The following SYNRG variants were observed in gnomAD, a reference collection of about 807,000 sequenced individuals.
SYNRG encodes the protein AP1 gamma subunit binding protein 1.
SYNRG carries 37 observed loss-of-function variants against 130.9 expected under a neutral mutation model. That is an observed-to-expected ratio of 0.28 (90% CI 0.22 to 0.37). SYNRG has a LOEUF of 0.37. SYNRG is among the 10% of genes least tolerant of loss of function. The probability of loss-of-function intolerance (pLI) is 1.00; values close to 1 mark genes in which losing one functional copy is unlikely to be tolerated. For missense variants in SYNRG, 1,338 were observed against 1,588.9 expected (o/e 0.84, Z 2.68); for synonymous variants, 539 against 568.1 (o/e 0.95, Z 0.73).
At chr17:37,554,837 G>A (rs2058985872) in intron 13 of SYNRG, among the ~76,000 whole-genome samples, 1 of 151,926 alleles carries the variant, frequency 6.6e-6, no homozygotes, top group Non-Finnish European at 1.5e-5. Context: ...AAATTCAAAA[G>A]GATTTGAATA....
At chr17:37,598,190 G>A (rs1168204288) in intron 2 of SYNRG, among the ~76,000 whole-genome samples, 1 of 152,188 alleles carries the variant, frequency 6.6e-6, no homozygotes. Context: ...ATGTCAGGTG[G>A]TGATAAGAGC....
At chr17:37,540,982 A>T in intron 15 of SYNRG, 1 of 987,432 alleles carries the variant, frequency 1.0e-6, no homozygotes, top group Non-Finnish European at 1.2e-6. Context: ...TCACAAACAC[A>T]TTCCTCATTC....
At chr17:37,578,958 TC>T (rs1467724722) in intron 6 of SYNRG, among the ~76,000 whole-genome samples, 1 of 152,214 alleles carries the variant, frequency 6.6e-6, no homozygotes, top group African/African-American at 2.4e-5. Flanking sequence ...TTCTGGAATG[TC>T]AAGACCCCAG....
intron 1 of SYNRG, among the ~76,000 whole-genome samples, chr17:37,601,917 C>T (rs2063320929): frequency 6.6e-6 from 1 of 152,036 alleles, no homozygotes; most frequent in African/African-American, 2.4e-5. Context: ...CCTGCCTTGG[C>T]CTCCCAAAGT....
At chr17:37,533,952 T>TTTTTTTTC (rs2056934973) in intron 19 of SYNRG, among the ~76,000 whole-genome samples, 1 of 137,816 alleles carries the variant, frequency 7.3e-6, no homozygotes, top group Non-Finnish European at 1.5e-5. Flanking sequence ...TTTTTTTTTT[T>TTTTTTTTC]GAGACAGAGT....
At chr17:37,601,335 C>T (rs938978424) in intron 1 of SYNRG, among the ~76,000 whole-genome samples, 6 of 152,140 alleles carry the variant, frequency 3.9e-5, no homozygotes, top group Admixed American at 2.6e-4. Flanking sequence ...TCCCAAAGTG[C>T]TGGGATTACA....
chr17:37,559,796 A>G (rs115630855), intron 13 of SYNRG, among the ~76,000 whole-genome samples: 1,663 of 152,308 alleles, frequency 0.011, 26 homozygotes, highest in African/African-American at 0.038. Context: ...GAGCAGTGTA[A>G]TAAATCAGAG....
intron 19 of SYNRG, among the ~76,000 whole-genome samples, chr17:37,530,126 C>T (rs537183104): frequency 1.3e-4 from 20 of 152,230 alleles, no homozygotes; most frequent in African/African-American, 3.9e-4. Flanking sequence ...CCACTCCCCC[C>T]GACAAAAACT....
At chr17:37,600,730 C>A in intron 1 of SYNRG, 3 of 420,304 alleles carry the variant, frequency 7.1e-6, no homozygotes, top group African/African-American at 2.0e-5. Flanking sequence ...TATTGAGTGT[C>A]AACTACATGA....
chr17:37,523,142 C>G (rs1307507349), intron 19 of SYNRG, among the ~76,000 whole-genome samples: 5 of 152,026 alleles, frequency 3.3e-5, no homozygotes, highest in Non-Finnish European at 7.4e-5. Flanking sequence ...TATGTAACTG[C>G]AAGTTTATAT....
chr17:37,588,690 T>C (rs575542746), intron 3 of SYNRG, among the ~76,000 whole-genome samples: 27 of 152,292 alleles, frequency 1.8e-4, no homozygotes, highest in East Asian at 5.8e-4. Flanking sequence ...TTTTAAATCA[T>C]AGTATTGATC....
chr17:37,570,572 G>T, intron 10 of SYNRG, 65 bp downstream of exon 10: 1 of 1,539,540 alleles, frequency 6.5e-7, no homozygotes, highest in African/African-American at 1.4e-5. Flanking sequence ...ATGTATCCCC[G>T]GAAAAAATGG....
At chr17:37,525,843 G>C (rs1417629467) in intron 19 of SYNRG, among the ~76,000 whole-genome samples, 6 of 152,224 alleles carry the variant, frequency 3.9e-5, no homozygotes, top group Non-Finnish European at 2.9e-5. Context: ...GCGCTTGCCT[G>C]TAATCCCAGC....
intron 19 of SYNRG, among the ~76,000 whole-genome samples, chr17:37,529,339 G>T (rs377487574): frequency 1.1e-4 from 17 of 151,844 alleles, no homozygotes; most frequent in African/African-American, 4.1e-4. Context: ...ACTGATCCTT[G>T]GTATAAAAAA....
intron 2 of SYNRG, among the ~76,000 whole-genome samples, chr17:37,598,894 A>C (rs2063016775): frequency 6.6e-6 from 1 of 152,252 alleles, no homozygotes; most frequent in African/African-American, 2.4e-5. Context: ...TAAAGAACAA[A>C]AGATCTCAAA....
At chr17:37,562,644 C>T (rs1319795927) in intron 11 of SYNRG, among the ~76,000 whole-genome samples, 1 of 152,202 alleles carries the variant, frequency 6.6e-6, no homozygotes, top group African/African-American at 2.4e-5. Context: ...ATGGGGTACA[C>T]AGTCCTTTAG....
intron 2 of SYNRG, among the ~76,000 whole-genome samples, chr17:37,597,605 C>T (rs2062892693): frequency 6.6e-6 from 1 of 152,184 alleles, no homozygotes; most frequent in South Asian, 2.1e-4. Flanking sequence ...GGTAATATAA[C>T]AGTTACCACA....
intron 19 of SYNRG, among the ~76,000 whole-genome samples, chr17:37,529,074 A>C (rs1024677534): frequency 1.3e-5 from 2 of 152,218 alleles, no homozygotes; most frequent in African/African-American, 4.8e-5. Context: ...CTTGAAAAAC[A>C]AAAGTTAGGT....
In SYNRG at chr17:37,515,604, ACC is replaced by A; in HGVS notation, c.*3334_*3335del. The A allele has an allele frequency of 6.6e-6, 1 of 152,230 alleles. No homozygotes were observed. The highest frequency in any genetic ancestry group is 2.4e-5 in the African/African-American group (1 of 41,436). The allele number at this position is 152,230 out of a possible 1,614,324, so 9.4% of individuals were successfully genotyped here. A position where few individuals can be genotyped will look rare whatever the true frequency, so the allele number is the denominator to read the frequency against. ...CTCCCGAGTAGCTCGGATTACAGGC[ACC>A]TGCCACCATGCCCAGCTAATTTTTG... On this transcript the variant is annotated 3_prime_UTR_variant, in exon 22 of 22. Transcript: ENST00000612223.
Sources: gnomAD v4.1 joint callset for allele counts (sites outside exome capture counted in the v4.1 genomes callset) on GRCh38, gnomAD v4.1.1 for gene constraint, MANE v1.5 for transcripts, NCBI Gene and HGNC (gene_info 2026-07-23, HGNC 2026-07-21) for gene names.